ADAMTSL1: variants seen among roughly 807,000 people sequenced by gnomAD.
ADAMTSL1 encodes the protein ADAMTS-like protein 1.
A neutral mutation model predicts 201.8 loss-of-function variants in ADAMTSL1; 126 were observed. The observed-to-expected ratio is 0.62, with a 90% CI of 0.54 to 0.72. The LOEUF is 0.72. Among genes scored for constraint, ADAMTSL1 ranks in the 30% least tolerant of loss-of-function variants. ADAMTSL1 has a pLI of 0.00. For missense variants in ADAMTSL1, 2,679 were observed against 2,277.8 expected (o/e 1.18, Z -3.59); for synonymous variants, 1,121 against 903.4 (o/e 1.24, Z -4.32).
intron 21 of ADAMTSL1, among the ~76,000 whole-genome samples, chr9:18,820,468 C>G (rs1429506538): frequency 6.6e-6 from 1 of 152,212 alleles, no homozygotes; most frequent in Non-Finnish European, 1.5e-5. Flanking sequence ...GTCGTTCTCT[C>G]CAAACTCAAC....
chr9:18,538,725 G>A (rs761229948), intron 3 of ADAMTSL1, among the ~76,000 whole-genome samples: 1 of 152,192 alleles, frequency 6.6e-6, no homozygotes, highest in South Asian at 2.1e-4. Context: ...CATTCACAGA[G>A]TTGTTCATGT....
At chr9:18,693,114 C>G (rs1206243078) in intron 13 of ADAMTSL1, among the ~76,000 whole-genome samples, 1 of 152,188 alleles carries the variant, frequency 6.6e-6, no homozygotes, top group African/African-American at 2.4e-5. Context: ...TTGGGTTTCT[C>G]TAACCTAGGA....
chr9:18,260,405 C>G (rs937782781), intron 2 of ADAMTSL1, among the ~76,000 whole-genome samples: 2 of 152,258 alleles, frequency 1.3e-5, no homozygotes, highest in Non-Finnish European at 2.9e-5. Flanking sequence ...CAGAAATATT[C>G]CGCAAACATG....
intron 1 of ADAMTSL1, among the ~76,000 whole-genome samples, chr9:17,913,394 C>T (rs1192439580): frequency 6.6e-6 from 1 of 152,056 alleles, no homozygotes; most frequent in African/African-American, 2.4e-5. Flanking sequence ...TGTAGTTCTC[C>T]TTGAAGAGGT....
intron 7 of ADAMTSL1, among the ~76,000 whole-genome samples, chr9:18,648,454 C>T (rs952686496): frequency 1.3e-5 from 2 of 152,106 alleles, no homozygotes; most frequent in African/African-American, 4.8e-5. Context: ...TAATTTTCCT[C>T]ATTAGTTGAT....
intron 1 of ADAMTSL1, among the ~76,000 whole-genome samples, chr9:18,116,304 A>G (rs1825246335): frequency 1.3e-5 from 2 of 152,202 alleles, no homozygotes; most frequent in African/African-American, 4.8e-5. Flanking sequence ...AGATGGTAAG[A>G]AGCAGAAAGT....
At chr9:18,329,448 A>T (rs1280741971) in intron 2 of ADAMTSL1, among the ~76,000 whole-genome samples, 1 of 152,198 alleles carries the variant, frequency 6.6e-6, no homozygotes, top group Non-Finnish European at 1.5e-5. Flanking sequence ...ATTCCTAGAG[A>T]TAAGAGTGTG....
intron 3 of ADAMTSL1, among the ~76,000 whole-genome samples, chr9:18,541,092 T>C (rs34153311): frequency 2.0e-4 from 30 of 152,232 alleles, no homozygotes; most frequent in Admixed American, 3.3e-4. Context: ...AGATGGGACA[T>C]GTCTTTTCTA....
chr9:18,250,598 A>C (rs1256065087), intron 2 of ADAMTSL1, among the ~76,000 whole-genome samples: 1 of 152,132 alleles, frequency 6.6e-6, no homozygotes, highest in Non-Finnish European at 1.5e-5. Context: ...GAGCATCCTC[A>C]GCTACGGAGT....
At position 18,680,530 on chromosome 9, in the gene ADAMTSL1, C is replaced by A. The variant is rs1283623380; in HGVS notation, c.1341+14C>A. On this transcript the variant is annotated intron_variant, in intron 11 of 28. Transcript: ENST00000380548. ...GAGTGGTCTCCGGTAACTGTGCCTT[C>A]TTTCTTTGTTCATTAGGAGAGTAAG... is the stretch of plus-strand genomic sequence containing the variant. 1 of 1,613,552 alleles carries A rather than the reference C, an allele frequency of 6.2e-7. No individual in the cohort carries two copies. Among genetic ancestry groups the A allele is most frequent in the Non-Finnish European group, 8.5e-7 (1 of 1,179,660 alleles).
At chr9:17,961,309 C>T (rs564028671) in intron 1 of ADAMTSL1, among the ~76,000 whole-genome samples, 9 of 152,054 alleles carry the variant, frequency 5.9e-5, no homozygotes, top group South Asian at 2.1e-4. Context: ...AGTGTAATGA[C>T]GCAATCTTGG....
intron 1 of ADAMTSL1, among the ~76,000 whole-genome samples, chr9:18,494,347 CA>C (rs141208426): frequency 0.021 from 1,710 of 80,386 alleles, 23 homozygotes; most frequent in African/African-American, 0.06. Context: ...CAGACTGTCT[CA>C]AAAAAAAAAA....
chr9:18,743,442 A>T (rs1304510133), intron 15 of ADAMTSL1, among the ~76,000 whole-genome samples: 1 of 152,212 alleles, frequency 6.6e-6, no homozygotes, highest in South Asian at 2.1e-4. Flanking sequence ...AGACGGTTTG[A>T]CAAGAGTCAT....
Position 18,696,022 on chromosome 9 carries a change from G to C in ADAMTSL1, c.1575-10725G>C, listed in dbSNP as rs937472097. 2.6e-5 allele frequency among the ~76,000 whole-genome samples: 4 copies of C among 152,204 alleles called. No homozygotes were observed. In the South Asian group the frequency reaches 6.2e-4, roughly 24 times the overall value. On this transcript the variant is annotated intron_variant, in intron 13 of 28. Coordinates refer to ENST00000380548, the MANE Select transcript of ADAMTSL1 (RefSeq NM_001040272.6). ...CAGAGAAGGAGGAAGAGGGCAAAGG[G>C]AGAGGTGATACACACTTTTAAGCAA...
intron 1 of ADAMTSL1, among the ~76,000 whole-genome samples, chr9:18,087,124 T>G (rs1459859682): frequency 6.6e-6 from 1 of 152,200 alleles, no homozygotes; most frequent in Non-Finnish European, 1.5e-5. Flanking sequence ...ATTAACTTTA[T>G]TTTTGTGCTT....
chr9:18,677,548 T>C (rs1830198133), intron 10 of ADAMTSL1, among the ~76,000 whole-genome samples: 1 of 151,976 alleles, frequency 6.6e-6, no homozygotes, highest in African/African-American at 2.4e-5. Flanking sequence ...ACCTCAGGAG[T>C]AAGCAACGTC....
At chr9:18,607,029 AC>A (rs907140346) in intron 4 of ADAMTSL1, among the ~76,000 whole-genome samples, 1 of 152,156 alleles carries the variant, frequency 6.6e-6, no homozygotes, top group African/African-American at 2.4e-5. Flanking sequence ...AAAAAGACAA[AC>A]CAGCCAACAA....
At chr9:18,334,638 T>C (rs920857895) in intron 2 of ADAMTSL1, among the ~76,000 whole-genome samples, 1 of 152,174 alleles carries the variant, frequency 6.6e-6, no homozygotes, top group Non-Finnish European at 1.5e-5. Context: ...AATTCATCTA[T>C]CTAATTTCTG....
At chr9:18,774,179 C>A (rs1820849847) in intron 17 of ADAMTSL1, among the ~76,000 whole-genome samples, 1 of 152,146 alleles carries the variant, frequency 6.6e-6, no homozygotes, top group African/African-American at 2.4e-5. Flanking sequence ...GCCTCCCATC[C>A]ATCTCCTGCT....
Sources: gnomAD v4.1 joint callset for allele counts (sites outside exome capture counted in the v4.1 genomes callset) on GRCh38, gnomAD v4.1.1 for gene constraint, MANE v1.5 for transcripts, NCBI Gene and HGNC (gene_info 2026-07-23, HGNC 2026-07-21) for gene names.